The following G3BP1 variants were observed in gnomAD, a reference collection of about 807,000 sequenced individuals.
G3BP1 encodes the protein G3BP stress granule assembly factor 1, also known as ras GTPase-activating protein-binding protein 1.
Under a neutral mutation model 58.6 loss-of-function variants are expected in G3BP1, and 35 were observed. The ratio of observed to expected loss-of-function variants is 0.60; its 90% CI spans 0.46 to 0.79. G3BP1 has a LOEUF of 0.79. G3BP1 is among the 30% of genes least tolerant of loss of function. The probability of loss-of-function intolerance (pLI) is 0.00; values close to 1 mark genes in which losing one functional copy is unlikely to be tolerated. For synonymous variants in G3BP1, 191 were observed against 195.4 expected, an observed-to-expected ratio of 0.98 and a Z score of 0.19; for missense variants, 523 against 580.8, an observed-to-expected ratio of 0.90 and a Z score of 1.02.
chr5:151,788,080 C>T (rs377322084), intron 2 of G3BP1, among the ~76,000 whole-genome samples: 286 of 151,958 alleles, frequency 1.9e-3, no homozygotes, highest in South Asian at 0.013. Context: ...CAATCCACCA[C>T]GCCCAGCTAA....
At chr5:151,781,317 A>G (rs766995715) in intron 1 of G3BP1, among the ~76,000 whole-genome samples, 19 of 152,232 alleles carry the variant, frequency 1.2e-4, no homozygotes, top group Non-Finnish European at 2.4e-4. Context: ...CATAAAATGA[A>G]CTTTAGTATA....
At chr5:151,786,517 C>CT in intron 1 of G3BP1, 55 bp from the exon 2 acceptor site, 1 of 731,290 alleles carries the variant, frequency 1.4e-6, no homozygotes, top group Non-Finnish European at 2.5e-6. Flanking sequence ...GATCTTGTCT[C>CT]TGAGTTGGTT....
At chr5:151,784,542 A>G (rs1361858257) in intron 1 of G3BP1, among the ~76,000 whole-genome samples, 1 of 152,176 alleles carries the variant, frequency 6.6e-6, no homozygotes, top group Non-Finnish European at 1.5e-5. Context: ...TGGGTAAGAA[A>G]TGGTCTCTGC....
intron 7 of G3BP1, among the ~76,000 whole-genome samples, chr5:151,797,971 C>CT (rs771962897): frequency 2.6e-4 from 37 of 144,102 alleles, no homozygotes; most frequent in Admixed American, 1.4e-3. Context: ...ATCGTTGAAA[C>CT]CTTTGCATTT....
At chr5:151,797,118 G>C (rs1487110433) in intron 6 of G3BP1, 109 bp from the exon 7 acceptor site, 5 of 1,033,302 alleles carry the variant, frequency 4.8e-6, no homozygotes, top group Non-Finnish European at 7.1e-6. Context: ...TTTTGTTTTG[G>C]ATAGAAGGAG....
Position 151,803,993 on chromosome 5 carries a change from C to T in G3BP1, c.1303C>T (p.Arg435Ter), listed in dbSNP as rs1398271347. 4.3e-6 allele frequency: 7 copies of T among 1,613,456 alleles called. No homozygotes were observed. The highest frequency in any genetic ancestry group is 1.7e-5 in the Admixed American group (1 of 59,976). Residue 435 changes from arginine to a stop codon, truncating the protein, a stop_gained, in exon 12 of 12, where the codon CGA becomes TGA. Coordinates refer to ENST00000356245, the MANE Select transcript of G3BP1 (RefSeq NM_005754.3). LOFTEE classifies it high-confidence loss of function. ...TCGCCTTCGGGGACCTGGAGGCCCT[C>T]GAGGTGGGCTGGGTGGTGGAATGAG... ...DNRLRGPGGP[R>*]GGLGGGMRGP...
In G3BP1 at chr5:151,808,767, T is replaced by C. The variant is rs112817955; in HGVS notation, c.*4676T>C. On this transcript the variant is annotated 3_prime_UTR_variant, in exon 12 of 12. Coordinates refer to ENST00000356245, the MANE Select transcript of G3BP1 (RefSeq NM_005754.3). Reference sequence around the variant, plus strand: ...AATTATTGATTTACTGAACCAAGTATTTATTTTCAGAAGCCCACTTTTGGG... The same window carrying C: ...AATTATTGATTTACTGAACCAAGTACTTATTTTCAGAAGCCCACTTTTGGG... 1 of 152,206 alleles carries C rather than the reference T, an allele frequency of 6.6e-6. No individual in the cohort carries two copies. The highest frequency in any genetic ancestry group is 2.4e-5 in the African/African-American group (1 of 41,434). The allele number at this position is 152,206 out of a possible 1,614,324, so 9.4% of individuals were successfully genotyped here.
chr5:151,774,252 C>G (rs1378570815), intron 1 of G3BP1, among the ~76,000 whole-genome samples: 1 of 152,054 alleles, frequency 6.6e-6, no homozygotes, highest in Non-Finnish European at 1.5e-5. Context: ...TTTGCTGTTC[C>G]TGAGCTGACA....
At chr5:151,788,615 T>TGTGTGTG (rs1276643889) in intron 2 of G3BP1, among the ~76,000 whole-genome samples, 84 of 147,300 alleles carry the variant, frequency 5.7e-4, no homozygotes, top group African/African-American at 1.3e-3. Flanking sequence ...TGTGTGTGTA[T>TGTGTGTG]TATTTATTTA....
intron 2 of G3BP1, among the ~76,000 whole-genome samples, chr5:151,788,685 C>T (rs1238377349): frequency 6.6e-6 from 1 of 151,670 alleles, no homozygotes; most frequent in African/African-American, 2.4e-5. Flanking sequence ...GTGGTGAGAG[C>T]TCACTGCAGC....
chr5:151,775,835 TTC>T (rs1408057018), intron 1 of G3BP1, among the ~76,000 whole-genome samples: 9 of 152,272 alleles, frequency 5.9e-5, no homozygotes, highest in Admixed American at 3.3e-4. Flanking sequence ...TTGTTAAGTA[TTC>T]TGATTCCTGA....
intron 11 of G3BP1, among the ~76,000 whole-genome samples, chr5:151,802,264 C>G (rs1375113410): frequency 3.3e-5 from 5 of 152,184 alleles, no homozygotes; most frequent in Non-Finnish European, 7.3e-5. Context: ...GTTTATCTCA[C>G]CAAAGCCACT....
At chr5:151,778,462 A>G (rs1350003282) in intron 1 of G3BP1, among the ~76,000 whole-genome samples, 1 of 151,864 alleles carries the variant, frequency 6.6e-6, no homozygotes, top group Non-Finnish European at 1.5e-5. Context: ...TTGTTTTGAG[A>G]CAGTGTTTCG....
At chr5:151,800,385 TC>T in intron 10 of G3BP1, 39 bp downstream of exon 10, 1 of 1,527,886 alleles carries the variant, frequency 6.5e-7, no homozygotes. Flanking sequence ...TCATCTAGTG[TC>T]TCTCTAGCAC....
chr5:151,787,991 C>T (rs187134483), intron 2 of G3BP1, among the ~76,000 whole-genome samples: 1 of 151,880 alleles, frequency 6.6e-6, no homozygotes, highest in African/African-American at 2.4e-5. Flanking sequence ...GTGGCAAGGT[C>T]ACAGCTCACT....
rs969122597 is a variant in G3BP1 at position 151,786,650 on chromosome 5, G to A, written c.30G>A (p.Leu10=). The A allele has an allele frequency of 8.1e-6, 13 of 1,613,282 alleles. No individual in the cohort carries two copies. Among genetic ancestry groups the A allele is most frequent in the Non-Finnish European group, 1.1e-5 (13 of 1,179,410 alleles). MVMEKPSPL[L]VGREFVRQYY... ...TGATGGAGAAGCCTAGTCCCCTGCT[G>A]GTCGGGCGGGAATTTGTGAGACAGT... is the stretch of plus-strand genomic sequence containing the variant. Residue 10 remains leucine (L), a synonymous_variant, in exon 2 of 12, where the codon CTG becomes CTA. Coordinates refer to ENST00000356245, the MANE Select transcript of G3BP1 (RefSeq NM_005754.3).
intron 4 of G3BP1, among the ~76,000 whole-genome samples, chr5:151,793,285 T>A (rs540165680): frequency 7.6e-4 from 116 of 152,202 alleles, no homozygotes; most frequent in Non-Finnish European, 1.5e-3. Flanking sequence ...ATTTTTGTAT[T>A]TTTAGTAGAG....
intron 1 of G3BP1, among the ~76,000 whole-genome samples, chr5:151,780,083 T>C (rs1388284324): frequency 6.6e-6 from 1 of 152,152 alleles, no homozygotes; most frequent in Non-Finnish European, 1.5e-5. Flanking sequence ...TGTAGGCTCT[T>C]TTTTTTACTT....
chr5:151,799,980 C>T lies in G3BP1; in HGVS notation c.935C>T (p.Pro312Leu), dbSNP rs1475727732. The T allele has an allele frequency of 1.2e-6, 2 of 1,607,422 alleles. No homozygotes were observed. Among genetic ancestry groups the T allele is most frequent in the Non-Finnish European group, 1.7e-6 (2 of 1,174,210 alleles). Residue 312 changes from proline (P) to leucine (L), a missense_variant, in exon 9 of 12, where the codon CCC (proline) becomes CTC (leucine). By Grantham distance (98) the Pro-to-Leu change is moderately conservative (BLOSUM62 -3). This residue lies in a region of G3BP1 where 398 missense variants were observed against 399.1 expected (regional missense o/e 1.00). Transcript: ENST00000356245. The stretch of plus-strand genomic sequence containing the variant: ...CGAGAACAACGAATAAATATTCCTC[C>T]CCAAAGGGGACCCAGACCAAGTAAG... ...RVREQRINIP[P>L]QRGPRPIREA...
Sources: gnomAD v4.1 joint callset for allele counts (sites outside exome capture counted in the v4.1 genomes callset) on GRCh38, gnomAD v4.1.1 for gene constraint, gnomAD v4.1.1 regional missense constraint, MANE v1.5 for transcripts, NCBI Gene and HGNC (gene_info 2026-07-23, HGNC 2026-07-21) for gene names.